The following RAMP1 variants were observed in gnomAD, a reference collection of about 807,000 sequenced individuals.
RAMP1 encodes the protein receptor activity modifying protein 1, also known as receptor activity-modifying protein 1.
RAMP1 carries 7 observed loss-of-function variants against 8.2 expected under a neutral mutation model. The observed-to-expected ratio is 0.85, with a 90% confidence interval of 0.49 to 1.60. The LOEUF (loss-of-function observed/expected upper bound fraction) is 1.60, where lower values mean the gene tolerates loss of function less well. Ranked by LOEUF, RAMP1 falls within the 40% of genes most tolerant of loss-of-function variation. The pLI is 0.00. For synonymous variants in RAMP1, 92 were observed against 84.7 expected (o/e 1.09, Z -0.47); for missense variants, 192 against 202.4 (o/e 0.95, Z 0.31).
intron 1 of RAMP1, among the ~76,000 whole-genome samples, chr2:237,871,740 C>T (rs552091822): frequency 1.1e-4 from 16 of 152,174 alleles, no homozygotes; most frequent in Non-Finnish European, 1.6e-4. Flanking sequence ...TGTGCCACTG[C>T]GCTATGTGTT....
chr2:237,906,036 C>T (rs1343456738), intron 2 of RAMP1, among the ~76,000 whole-genome samples: 3 of 140,942 alleles, frequency 2.1e-5, no homozygotes, highest in Admixed American at 7.1e-5. Flanking sequence ...AAAAAGGCAG[C>T]ATTCTCACTG....
At chr2:237,908,295 G>C (rs1279900422) in intron 2 of RAMP1, among the ~76,000 whole-genome samples, 1 of 152,126 alleles carries the variant, frequency 6.6e-6, no homozygotes, top group Non-Finnish European at 1.5e-5. Flanking sequence ...CCTCAGTTTA[G>C]ACAGGCCCTT....
At chr2:237,860,562 A>G (rs928914528) in intron 1 of RAMP1, among the ~76,000 whole-genome samples, 12 of 152,212 alleles carry the variant, frequency 7.9e-5, no homozygotes, top group African/African-American at 2.9e-4. Context: ...AGCCCCTTCT[A>G]AACCGCTTTG....
At chr2:237,894,647 G>C (rs889407934) in intron 2 of RAMP1, among the ~76,000 whole-genome samples, 1 of 152,192 alleles carries the variant, frequency 6.6e-6, no homozygotes, top group Non-Finnish European at 1.5e-5. Flanking sequence ...CGGGGCTGAG[G>C]CTCTATGGGT....
intron 2 of RAMP1, among the ~76,000 whole-genome samples, chr2:237,883,985 C>A (rs1350302707): frequency 2.8e-5 from 4 of 143,682 alleles, no homozygotes; most frequent in African/African-American, 1.1e-4. Context: ...ACCTTGGCTG[C>A]CCGGCATGGA....
intron 2 of RAMP1, among the ~76,000 whole-genome samples, chr2:237,909,144 T>C (rs1323473902): frequency 6.6e-6 from 1 of 151,994 alleles, no homozygotes; most frequent in Non-Finnish European, 1.5e-5. Context: ...CCCCAGTGAG[T>C]GCAACTTGGA....
At chr2:237,886,625 A>G (rs954753182) in intron 2 of RAMP1, among the ~76,000 whole-genome samples, 4 of 152,184 alleles carry the variant, frequency 2.6e-5, no homozygotes, top group Admixed American at 2.6e-4. Flanking sequence ...TGTCATCCTC[A>G]GCACATCTTT....
At chr2:237,908,507 G>A (rs997025224) in intron 2 of RAMP1, among the ~76,000 whole-genome samples, 39 of 151,716 alleles carry the variant, frequency 2.6e-4, no homozygotes, top group South Asian at 4.2e-4. Context: ...GCATGATCTC[G>A]GCTCACTGCA....
chr2:237,873,417 C>T lies in RAMP1; in HGVS notation c.53-3807C>T, dbSNP rs549450967. Among the ~76,000 whole-genome samples, 37 of 152,332 alleles carry T rather than the reference C, an allele frequency of 2.4e-4. No homozygotes were observed. The South Asian group carries it at 7.2e-3, about 30-fold the overall frequency. ...GTCCAGGGGTCCCCTGTGGGGGGCC[C>T]GGCTGCCCCGTCCTTCTGTCCCCAC... On this transcript the variant is annotated intron_variant, in intron 1 of 2. Coordinates refer to ENST00000254661, the MANE Select transcript of RAMP1 (RefSeq NM_005855.4).
chr2:237,902,688 A>AG (rs2062615148), intron 2 of RAMP1, among the ~76,000 whole-genome samples: 1 of 152,114 alleles, frequency 6.6e-6, no homozygotes, highest in African/African-American at 2.4e-5. Context: ...CTGTCACCAG[A>AG]GGGTCCCAGC....
chr2:237,909,198 G>A (rs568067229), intron 2 of RAMP1, among the ~76,000 whole-genome samples: 53 of 152,302 alleles, frequency 3.5e-4, no homozygotes, highest in East Asian at 1.5e-3. Context: ...TCTGGCCACC[G>A]AGGGCGAGGG....
chr2:237,910,583 TCA>T (rs942477942), intron 2 of RAMP1, among the ~76,000 whole-genome samples: 9 of 134,876 alleles, frequency 6.7e-5, no homozygotes, highest in Non-Finnish European at 1.3e-4. Flanking sequence ...AGTTACACAG[TCA>T]CACAGAATAA....
intron 1 of RAMP1, among the ~76,000 whole-genome samples, chr2:237,875,709 C>T (rs2062296279): frequency 6.6e-6 from 1 of 151,802 alleles, no homozygotes; most frequent in East Asian, 1.9e-4. Flanking sequence ...GGCTCAGCCT[C>T]TCTGGTCAGC....
At chr2:237,884,140 C>A (rs2062403627) in intron 2 of RAMP1, among the ~76,000 whole-genome samples, 1 of 151,994 alleles carries the variant, frequency 6.6e-6, no homozygotes, top group African/African-American at 2.4e-5. Context: ...GATTCCTGAG[C>A]CCTTTCTAAC....
rs573077034 is a variant in RAMP1, at chr2:237,911,631, C to T, written c.295C>T (p.Arg99Cys). 7 of 1,614,094 alleles carry T rather than the reference C, an allele frequency of 4.3e-6. No individual in the cohort carries two copies. Among genetic ancestry groups the T allele is most frequent in the Admixed American group, 3.3e-5 (2 of 60,020 alleles). ...CAGGTTCTTCCTGGCAGTGCATGGC[C>T]GCTACTTCAGGAGCTGCCCCATCTC... The part of the protein sequence containing the change: ...VDRFFLAVHG[R>C]YFRSCPISGR... The change falls in exon 3 of 3, where the codon CGC (arginine) becomes TGC (cysteine). Residue 99 changes from arginine to cysteine, a missense_variant. By Grantham distance (180) the Arg-to-Cys change is radical. Coordinates refer to ENST00000254661, the MANE Select transcript of RAMP1 (RefSeq NM_005855.4).
chr2:237,908,592 T>C (rs1330618387), intron 2 of RAMP1, among the ~76,000 whole-genome samples: 1 of 152,090 alleles, frequency 6.6e-6, no homozygotes, highest in Non-Finnish European at 1.5e-5. Flanking sequence ...TGCCCGCCAC[T>C]GTGCCTGGCT....
chr2:237,881,750 G>C (rs1000321310), intron 2 of RAMP1, among the ~76,000 whole-genome samples: 3 of 152,140 alleles, frequency 2.0e-5, no homozygotes, highest in African/African-American at 7.2e-5. Context: ...TTTTCTATCA[G>C]GTCGTTTTTA....
chr2:237,859,549 C>T (rs1172960282), upstream of RAMP1: 2 of 536,440 alleles, frequency 3.7e-6, no homozygotes, highest in Non-Finnish European at 4.8e-6. Flanking sequence ...GCCGCGCGGC[C>T]GCCGCCTCCC....
intron 1 of RAMP1, among the ~76,000 whole-genome samples, chr2:237,866,461 C>G (rs997416948): frequency 6.6e-6 from 1 of 152,114 alleles, no homozygotes; most frequent in Non-Finnish European, 1.5e-5. Flanking sequence ...GTTTTGTTCT[C>G]CAGTCGTACT....
Sources: gnomAD v4.1 joint callset for allele counts (sites outside exome capture counted in the v4.1 genomes callset) on GRCh38, gnomAD v4.1.1 for gene constraint, MANE v1.5 for transcripts, NCBI Gene and HGNC (gene_info 2026-07-23, HGNC 2026-07-21) for gene names.